Variants in MSH4 observed in about 807,000 individuals in gnomAD.
The protein encoded by MSH4 is mutS protein homolog 4.
Under a neutral mutation model 113.7 loss-of-function variants are expected in MSH4, and 106 were observed. The observed-to-expected ratio is 0.93, with a 90% CI of 0.80 to 1.10. MSH4 has a LOEUF of 1.10. Ranked by LOEUF, MSH4 falls within the 50% of genes least tolerant of loss-of-function variation. MSH4 has a pLI of 0.00. For synonymous variants in MSH4, 368 were observed against 380.2 expected (o/e 0.97, Z 0.37); for missense variants, 1,061 against 1,093.7 (o/e 0.97, Z 0.42).
chr1:75,803,448 C>T (rs550175526), intron 1 of MSH4, among the ~76,000 whole-genome samples: 2 of 152,108 alleles, frequency 1.3e-5, no homozygotes, highest in African/African-American at 4.8e-5. Context: ...GAAACCCCAT[C>T]TCTACTAAAA....
At chr1:75,906,514 A>AT (rs370543895) in intron 19 of MSH4, among the ~76,000 whole-genome samples, 27 of 1,262 alleles carry the variant, frequency 0.021, 2 homozygotes, top group African/African-American at 0.057. Context: ...TATAATATAT[A>AT]ATATGTATAT....
intron 9 of MSH4, among the ~76,000 whole-genome samples, chr1:75,871,261 C>T (rs1651707775): frequency 6.6e-6 from 1 of 152,160 alleles, no homozygotes; most frequent in Non-Finnish European, 1.5e-5. Context: ...CCACATTATT[C>T]AATTACCTCC....
chr1:75,810,661 CTTTA>C (rs1458538174), intron 3 of MSH4, 32 bp from the exon 4 acceptor site: 1 of 979,752 alleles, frequency 1.0e-6, no homozygotes, highest in Non-Finnish European at 1.5e-6. Context: ...ATTTCCTAAG[CTTTA>C]TTTAAGAAAT....
intron 7 of MSH4, among the ~76,000 whole-genome samples, chr1:75,831,431 T>C (rs1650687708): frequency 6.6e-6 from 1 of 152,152 alleles, no homozygotes; most frequent in Non-Finnish European, 1.5e-5. Context: ...CTGCACCAAG[T>C]GGACCTAACA....
At chr1:75,891,339 G>C (rs192205403) in intron 17 of MSH4, among the ~76,000 whole-genome samples, 1 of 152,008 alleles carries the variant, frequency 6.6e-6, no homozygotes, top group East Asian at 1.9e-4. Flanking sequence ...AATATATACA[G>C]ATATGAACAA....
At chr1:75,827,980 A>G (rs1221158475) in intron 7 of MSH4, among the ~76,000 whole-genome samples, 3 of 152,128 alleles carry the variant, frequency 2.0e-5, no homozygotes, top group African/African-American at 7.2e-5. Context: ...GAATAAGAAA[A>G]TTGCCCTGGG....
chr1:75,810,256 A>T (rs1650159878), intron 3 of MSH4, among the ~76,000 whole-genome samples: 1 of 151,372 alleles, frequency 6.6e-6, no homozygotes, highest in South Asian at 2.1e-4. Flanking sequence ...TTTGAGACAG[A>T]TTTTCCCTCT....
intron 9 of MSH4, among the ~76,000 whole-genome samples, chr1:75,875,208 A>G (rs1651793139): frequency 6.6e-6 from 1 of 152,180 alleles, no homozygotes; most frequent in Admixed American, 6.5e-5. Flanking sequence ...GACATTTTTA[A>G]CATCAATAAT....
intron 8 of MSH4, among the ~76,000 whole-genome samples, chr1:75,855,390 A>G (rs985536693): frequency 1.3e-5 from 2 of 152,138 alleles, no homozygotes; most frequent in African/African-American, 4.8e-5. Context: ...GCACATCCTA[A>G]AATAATAGAA....
chr1:75,908,489 T>G (rs1451501649), intron 19 of MSH4, among the ~76,000 whole-genome samples: 11 of 152,132 alleles, frequency 7.2e-5, no homozygotes, highest in Non-Finnish European at 1.6e-4. Flanking sequence ...AATTTATCAG[T>G]TGCTTTTTCT....
At chr1:75,818,114 C>G (rs1266552532) in intron 6 of MSH4, among the ~76,000 whole-genome samples, 1 of 152,178 alleles carries the variant, frequency 6.6e-6, no homozygotes, top group African/African-American at 2.4e-5. Flanking sequence ...TTTCTGCCCT[C>G]TTCTTACCTT....
intron 15 of MSH4, among the ~76,000 whole-genome samples, chr1:75,885,363 A>G (rs1351869860): frequency 7.6e-6 from 1 of 131,484 alleles, no homozygotes; most frequent in Non-Finnish European, 1.6e-5. Flanking sequence ...ATATAAAGGT[A>G]TGTAACATTT....
At chr1:75,812,123 A>G (rs1650203192) in intron 4 of MSH4, among the ~76,000 whole-genome samples, 1 of 152,334 alleles carries the variant, frequency 6.6e-6, no homozygotes, top group South Asian at 2.1e-4. Flanking sequence ...AAATAAGAGA[A>G]ATCTAATGTA....
chr1:75,912,938 T>C lies in MSH4; in HGVS notation c.*51T>C. On this transcript the variant is annotated 3_prime_UTR_variant, in exon 20 of 20. Coordinates refer to ENST00000263187, the MANE Select transcript of MSH4 (RefSeq NM_002440.4). ...CTTAATTCAAGGAACCTAGAATTTA[T>C]TTTTCTCCTTAGAGATAAGGAAAAT... 1.7e-6 allele frequency: 2 copies of C among 1,183,044 alleles called. No individual in the cohort carries two copies. Among genetic ancestry groups the C allele is most frequent in the Non-Finnish European group, 2.3e-6 (2 of 888,724 alleles). The allele number at this position is 1,183,044 out of a possible 1,614,324, so 73.3% of individuals were successfully genotyped here.
At chr1:75,848,401 G>A (rs1651119655) in intron 8 of MSH4, 125 bp downstream of exon 8, 7 of 726,492 alleles carry the variant, frequency 9.6e-6, no homozygotes, top group South Asian at 5.7e-5. Context: ...TTGATATCTG[G>A]AGTATTTTAT....
intron 1 of MSH4, 122 bp from the exon 2 acceptor site, chr1:75,803,609 C>A: frequency 1.4e-6 from 1 of 721,826 alleles, no homozygotes; most frequent in Non-Finnish European, 2.1e-6. Context: ...AAGAGCAAGA[C>A]TCTGTCTCAA....
intron 8 of MSH4, among the ~76,000 whole-genome samples, chr1:75,858,278 C>G (rs1489834964): frequency 6.6e-6 from 1 of 152,150 alleles, no homozygotes; most frequent in Non-Finnish European, 1.5e-5. Context: ...GCCTGATTGC[C>G]CTGGCCAGAA....
At chr1:75,864,291 A>C (rs1165452006) in intron 8 of MSH4, among the ~76,000 whole-genome samples, 1 of 152,174 alleles carries the variant, frequency 6.6e-6, no homozygotes, top group Non-Finnish European at 1.5e-5. Context: ...AGTTGCTGAC[A>C]GTTTTTGCAA....
At chr1:75,837,547 C>T (rs986391310) in intron 7 of MSH4, among the ~76,000 whole-genome samples, 2 of 151,992 alleles carry the variant, frequency 1.3e-5, no homozygotes, top group African/African-American at 2.4e-5. Context: ...CCACCACACC[C>T]GACTAATTTT....
Sources: gnomAD v4.1 joint callset for allele counts (sites outside exome capture counted in the v4.1 genomes callset) on GRCh38, gnomAD v4.1.1 for gene constraint, MANE v1.5 for transcripts, NCBI Gene and HGNC (gene_info 2026-07-23, HGNC 2026-07-21) for gene names.